Variants in GRIN2A observed in about 807,000 individuals in gnomAD.
GRIN2A encodes glutamate receptor ionotropic, NMDA 2A.
GRIN2A carries 22 observed loss-of-function variants against 113.4 expected under a neutral mutation model. The ratio of observed to expected loss-of-function variants is 0.19; its 90% CI spans 0.14 to 0.28. The LOEUF (loss-of-function observed/expected upper bound fraction) is 0.28. Among genes scored for constraint, GRIN2A ranks in the 10% least tolerant of loss-of-function variants. The probability of loss-of-function intolerance (pLI) is 1.00; values close to 1 mark genes in which losing one functional copy is unlikely to be tolerated. For synonymous variants in GRIN2A, 827 were observed against 738.4 expected, an observed-to-expected ratio of 1.12 and a Z score of -1.94; for missense variants, 1,502 against 1,887.0, an observed-to-expected ratio of 0.80 and a Z score of 3.78.
intron 10 of GRIN2A, among the ~76,000 whole-genome samples, chr16:9,799,468 G>A (rs560871815): frequency 2.6e-5 from 4 of 152,296 alleles, no homozygotes; most frequent in African/African-American, 7.2e-5. Flanking sequence ...CCAGAGCTGC[G>A]AGACAGTCAT....
chr16:10,014,688 G>A (rs981922473), intron 2 of GRIN2A, among the ~76,000 whole-genome samples: 2 of 152,086 alleles, frequency 1.3e-5, no homozygotes, highest in South Asian at 4.1e-4. Flanking sequence ...CCAGACAAAG[G>A]GAAACTCATT....
intron 2 of GRIN2A, among the ~76,000 whole-genome samples, chr16:9,972,563 G>T (rs2045693777): frequency 6.6e-6 from 1 of 151,968 alleles, no homozygotes; most frequent in African/African-American, 2.4e-5. Flanking sequence ...AGCCTCAGAA[G>T]AGGAAAATAA....
intron 7 of GRIN2A, among the ~76,000 whole-genome samples, chr16:9,839,399 G>A (rs2042635650): frequency 6.6e-6 from 1 of 150,900 alleles, no homozygotes; most frequent in Non-Finnish European, 1.5e-5. Context: ...CACCTTTTAT[G>A]TAAAAACATA....
intron 2 of GRIN2A, among the ~76,000 whole-genome samples, chr16:10,170,565 A>T (rs1263396489): frequency 2.6e-5 from 4 of 152,182 alleles, no homozygotes; most frequent in Admixed American, 6.5e-5. Context: ...ATCATCTCAC[A>T]TTTACTTGTA....
chr16:10,034,650 C>T (rs1420398373), intron 2 of GRIN2A, among the ~76,000 whole-genome samples: 1 of 149,062 alleles, frequency 6.7e-6, no homozygotes, highest in Non-Finnish European at 1.5e-5. Context: ...GTAAAGGTGT[C>T]ACTCATCTTT....
intron 2 of GRIN2A, among the ~76,000 whole-genome samples, chr16:10,044,860 A>G (rs937015492): frequency 1.3e-5 from 2 of 152,100 alleles, no homozygotes; most frequent in African/African-American, 4.8e-5. Flanking sequence ...AACATAAATC[A>G]CAGGGTACAA....
chr16:9,828,700 C>A (rs973114010), intron 9 of GRIN2A, among the ~76,000 whole-genome samples: 7 of 152,140 alleles, frequency 4.6e-5, no homozygotes, highest in Admixed American at 3.9e-4. Context: ...TCAAACCCTG[C>A]AACCCTTGTT....
intron 2 of GRIN2A, among the ~76,000 whole-genome samples, chr16:10,074,855 A>G (rs867611393): frequency 2.6e-5 from 4 of 152,220 alleles, no homozygotes; most frequent in Non-Finnish European, 5.9e-5. Context: ...TGGACTGTGA[A>G]CTTTAACATG....
intron 2 of GRIN2A, among the ~76,000 whole-genome samples, chr16:10,109,271 T>C (rs547294636): frequency 4.6e-5 from 7 of 151,826 alleles, no homozygotes; most frequent in Non-Finnish European, 1.0e-4. Context: ...ATTGAACCCA[T>C]AGTTTAAAAC....
intron 3 of GRIN2A, among the ~76,000 whole-genome samples, chr16:9,932,808 G>A (rs995626745): frequency 1.3e-5 from 2 of 152,260 alleles, no homozygotes; most frequent in African/African-American, 2.4e-5. Flanking sequence ...TGAGGGAGCC[G>A]ACGTGGAGTT....
chr16:9,932,867 G>A (rs376379935), intron 3 of GRIN2A, among the ~76,000 whole-genome samples: 14 of 152,156 alleles, frequency 9.2e-5, no homozygotes, highest in Non-Finnish European at 1.6e-4. Flanking sequence ...GATTAGGTTC[G>A]AACCCATGCA....
At position 9,763,681 on chromosome 16, in the gene GRIN2A, C is replaced by T. The variant is rs778951185; in HGVS notation, c.3863G>A (p.Arg1288His). The change falls in exon 13 of 13, where the codon CGT (arginine) becomes CAT (histidine). Residue 1288 changes from arginine (R) to histidine (H), a missense_variant. Arg to His is a conservative substitution (Grantham distance 29, BLOSUM62 0). Around this residue, in one of 7 missense-constraint regions of GRIN2A, gnomAD observed 832 missense variants for 789.7 expected, o/e 1.05. Coordinates refer to ENST00000330684, the MANE Select transcript of GRIN2A (RefSeq NM_001134407.3). ...GACAATGTTATCGTAGGAATGCTGA[C>T]GGCTAATCCTTAGCTTGTTCTTTTG... ...QLQKNKLRIS[R>H]QHSYDNIVDK... 2 of 1,613,764 alleles carry T rather than the reference C, an allele frequency of 1.2e-6. No individual in the cohort carries two copies. The highest frequency in any genetic ancestry group is 1.3e-5 in the African/African-American group (1 of 74,896).
At position 9,764,426 on chromosome 16, in the gene GRIN2A, C is replaced by T. The variant is rs778490114; in HGVS notation, c.3118G>A (p.Glu1040Lys). ...CTCTTTAGGGAGTGGGTCCTATTCT[C>T]TGCTGTTGCCTCATCCCTCTGGGAG... ...PVSQRDEATA[E>K]NRTHSLKSPR... The change falls in exon 13 of 13, where the codon GAG becomes AAG. Residue 1040 changes from glutamate to lysine, a missense_variant. Transcript: ENST00000330684. The T allele has an allele frequency of 6.8e-6, 11 of 1,614,010 alleles. No individual in the cohort carries two copies. The highest frequency in any genetic ancestry group is 3.3e-5 in the Admixed American group (2 of 60,006).
chr16:10,100,033 G>A (rs1286354998), intron 2 of GRIN2A, among the ~76,000 whole-genome samples: 1 of 152,156 alleles, frequency 6.6e-6, no homozygotes, highest in African/African-American at 2.4e-5. Flanking sequence ...TACTAGTCAA[G>A]AAGTATCAGC....
At chr16:10,116,698 G>A (rs1481728057) in intron 2 of GRIN2A, among the ~76,000 whole-genome samples, 2 of 152,112 alleles carry the variant, frequency 1.3e-5, no homozygotes, top group African/African-American at 4.8e-5. Flanking sequence ...GTTACTTCTG[G>A]GGATAACAGG....
At chr16:9,917,822 C>T (rs1465948616) in intron 3 of GRIN2A, among the ~76,000 whole-genome samples, 1 of 152,148 alleles carries the variant, frequency 6.6e-6, no homozygotes, top group African/African-American at 2.4e-5. Context: ...CCTCTCACTC[C>T]CCGCCTAGAG....
rs367543121 is a variant in GRIN2A at position 9,938,057 on chromosome 16, T to C, written c.909A>G (p.Ala303=). ...RDGIGILTTA[A]SSMLEKFSYI... is the part of the protein sequence containing the mutation. ...AGGAGAACTTCTCCAGCATAGAAGA[T>C]GCAGCGGTGGTTAGGATGCCAATGC... Residue 303 remains alanine, a synonymous_variant, in exon 3 of 13, where the codon GCA becomes GCG. Transcript: ENST00000330684. 1 of 1,614,114 alleles carries C rather than the reference T, an allele frequency of 6.2e-7. No individual in the cohort carries two copies. Among genetic ancestry groups the C allele is most frequent in the African/African-American group, 1.3e-5 (1 of 75,062 alleles).
chr16:10,123,269 G>A (rs569194050), intron 2 of GRIN2A, among the ~76,000 whole-genome samples: 1 of 152,284 alleles, frequency 6.6e-6, no homozygotes, highest in Non-Finnish European at 1.5e-5. Flanking sequence ...AGCAACCCTG[G>A]CTCGGGGCTC....
intron 2 of GRIN2A, among the ~76,000 whole-genome samples, chr16:10,068,318 G>T (rs550050530): frequency 6.6e-6 from 1 of 152,188 alleles, no homozygotes; most frequent in African/African-American, 2.4e-5. Flanking sequence ...AAGAAAAGAC[G>T]TTTAATTGGC....
Sources: gnomAD v4.1 joint callset for allele counts (sites outside exome capture counted in the v4.1 genomes callset) on GRCh38, gnomAD v4.1.1 for gene constraint, gnomAD v4.1.1 regional missense constraint, MANE v1.5 for transcripts, NCBI Gene and HGNC (gene_info 2026-07-23, HGNC 2026-07-21) for gene names.